GRIA1: variants seen among roughly 807,000 people sequenced by gnomAD.
GRIA1 encodes glutamate receptor 1.
In GRIA1, 31 loss-of-function variants were observed where a neutral mutation model predicts 99.2. That is an observed-to-expected ratio of 0.31 (90% CI 0.23 to 0.42). The LOEUF is 0.42. Among genes scored for constraint, GRIA1 ranks in the 10% least tolerant of loss-of-function variants. GRIA1 has a pLI of 1.00. For synonymous variants in GRIA1, 438 were observed against 432.4 expected (o/e 1.01, Z -0.16); for missense variants, 782 against 1,157.5 (o/e 0.68, Z 4.71).
chr5:153,552,007 T>C (rs1760192112), intron 2 of GRIA1, among the ~76,000 whole-genome samples: 1 of 152,144 alleles, frequency 6.6e-6, no homozygotes, highest in Non-Finnish European at 1.5e-5. Context: ...GAATCATCAC[T>C]TTGGAATTGT....
chr5:153,750,177 C>T (rs1332958405), intron 11 of GRIA1, among the ~76,000 whole-genome samples: 1 of 152,092 alleles, frequency 6.6e-6, no homozygotes, highest in Non-Finnish European at 1.5e-5. Context: ...TGCATTTGGC[C>T]AGCACTAATT....
chr5:153,607,732 TG>T (rs1234220299), intron 2 of GRIA1, among the ~76,000 whole-genome samples: 1 of 152,098 alleles, frequency 6.6e-6, no homozygotes, highest in Admixed American at 6.6e-5. Context: ...TTTATTTAAC[TG>T]CTAATGTACA....
chr5:153,729,674 A>G (rs968697346), intron 11 of GRIA1, among the ~76,000 whole-genome samples: 1 of 152,108 alleles, frequency 6.6e-6, no homozygotes, highest in Admixed American at 6.6e-5. Flanking sequence ...TACTGAAATG[A>G]TAGGGCTTTG....
chr5:153,510,001 C>T (rs1165000839), intron 2 of GRIA1, among the ~76,000 whole-genome samples: 2 of 152,146 alleles, frequency 1.3e-5, no homozygotes, highest in Non-Finnish European at 2.9e-5. Flanking sequence ...TCTAAAGTCT[C>T]TTTGATCTGA....
intron 2 of GRIA1, among the ~76,000 whole-genome samples, chr5:153,567,734 TG>T (rs1228977911): frequency 2.6e-5 from 4 of 152,012 alleles, no homozygotes; most frequent in African/African-American, 9.7e-5. Flanking sequence ...TCAAGATAGA[TG>T]GTAAATAAGT....
intron 2 of GRIA1, among the ~76,000 whole-genome samples, chr5:153,501,765 C>T (rs1581137311): frequency 6.6e-6 from 1 of 152,124 alleles, no homozygotes; most frequent in African/African-American, 2.4e-5. Flanking sequence ...AAGCTGATGA[C>T]TTGGTTTAGG....
intron 2 of GRIA1, among the ~76,000 whole-genome samples, chr5:153,609,944 G>C (rs576184620): frequency 6.6e-4 from 100 of 152,226 alleles, no homozygotes; most frequent in African/African-American, 2.2e-3. Context: ...GATATGGTTG[G>C]TAAATGGAGG....
intron 11 of GRIA1, among the ~76,000 whole-genome samples, chr5:153,717,616 T>C (rs769365500): frequency 2.0e-5 from 3 of 152,152 alleles, no homozygotes; most frequent in Non-Finnish European, 2.9e-5. Context: ...ATGAGGCTAT[T>C]AAAGTGTCAC....
intron 2 of GRIA1, among the ~76,000 whole-genome samples, chr5:153,501,442 A>G (rs1361957274): frequency 6.6e-6 from 1 of 152,156 alleles, no homozygotes; most frequent in Non-Finnish European, 1.5e-5. Context: ...TGATGCAGTG[A>G]TGGGAACAGG....
At chr5:153,660,704 A>G (rs1755306451) in intron 5 of GRIA1, among the ~76,000 whole-genome samples, 1 of 152,178 alleles carries the variant, frequency 6.6e-6, no homozygotes, top group South Asian at 2.1e-4. Context: ...TCGCAGTGGC[A>G]CTGAAGCATT....
At chr5:153,674,750 A>G in intron 6 of GRIA1, 89 bp downstream of exon 6, 1 of 1,366,558 alleles carries the variant, frequency 7.3e-7, no homozygotes, top group Non-Finnish European at 1.0e-6. Context: ...TTACAAAGGA[A>G]TCAGTTTTCT....
At chr5:153,793,079 G>C (rs1765403893) in intron 13 of GRIA1, among the ~76,000 whole-genome samples, 1 of 152,226 alleles carries the variant, frequency 6.6e-6, no homozygotes, top group Non-Finnish European at 1.5e-5. Flanking sequence ...CAGAGCTGCT[G>C]TGAGTCAAAA....
chr5:153,642,356 A>T (rs188951774), intron 2 of GRIA1, among the ~76,000 whole-genome samples: 1 of 152,286 alleles, frequency 6.6e-6, no homozygotes, highest in Non-Finnish European at 1.5e-5. Flanking sequence ...GAAAGGAGTT[A>T]ATGTAGAGAA....
chr5:153,727,158 C>T (rs1286813396), intron 11 of GRIA1, among the ~76,000 whole-genome samples: 1 of 152,170 alleles, frequency 6.6e-6, no homozygotes, highest in Non-Finnish European at 1.5e-5. Flanking sequence ...TCAATAGATG[C>T]AGAAAAGGCC....
intron 2 of GRIA1, among the ~76,000 whole-genome samples, chr5:153,565,532 G>A (rs909612106): frequency 7.9e-5 from 12 of 151,888 alleles, no homozygotes; most frequent in Non-Finnish European, 1.2e-4. Context: ...TACATTCATC[G>A]CCATAATCTA....
At chr5:153,500,001 A>G (rs17515584) in intron 2 of GRIA1, among the ~76,000 whole-genome samples, 2,111 of 152,316 alleles carry the variant, frequency 0.014, 26 homozygotes, top group South Asian at 0.023. Flanking sequence ...TTCTCTGGTT[A>G]ATGTTACAGT....
intron 11 of GRIA1, 127 bp from the exon 12 acceptor site, chr5:153,764,307 C>T: frequency 1.5e-6 from 1 of 681,940 alleles, no homozygotes; most frequent in East Asian, 2.6e-5. Flanking sequence ...ATCTTGCTGA[C>T]AGATGAGAAG....
rs112149531 is a variant in GRIA1 at position 153,678,555 on chromosome 5, G to A, written c.1029+1394G>A. Among the ~76,000 whole-genome samples the A allele has an allele frequency of 1.8e-4, 27 of 152,292 alleles. No homozygotes were observed. The East Asian group carries it at 2.1e-3, about 12-fold the overall frequency. On this transcript the variant is annotated intron_variant, in intron 7 of 15. Transcript: ENST00000285900. ...AGGGGAAAATTGCCAAATGGACAGT[G>A]CCTGCGCCTCCCTTTCTACCCCCAC... is the stretch of plus-strand genomic sequence containing the variant.
chr5:153,776,680 C>T (rs906893616), intron 13 of GRIA1, among the ~76,000 whole-genome samples: 1 of 152,182 alleles, frequency 6.6e-6, no homozygotes, highest in Admixed American at 6.5e-5. Flanking sequence ...TTCACACAAC[C>T]CTGTGCTGGA....
Sources: allele counts gnomAD v4.1 joint callset (sites outside exome capture counted in the v4.1 genomes callset), GRCh38; gene constraint gnomAD v4.1.1; transcripts MANE v1.5; gene names NCBI Gene and HGNC (gene_info 2026-07-23, HGNC 2026-07-21).